Variants in ALK observed in about 807,000 individuals in gnomAD.
The protein encoded by ALK is ALK tyrosine kinase receptor.
In ALK, 74 loss-of-function variants were observed where a neutral mutation model predicts 163.1. That is an observed-to-expected ratio of 0.45 (90% CI 0.38 to 0.55). The LOEUF (loss-of-function observed/expected upper bound fraction) is 0.55. Among genes scored for constraint, ALK ranks in the 20% least tolerant of loss-of-function variants. ALK has a pLI of 0.00. For missense variants in ALK, 2,063 were observed against 2,105.3 expected (o/e 0.98, Z 0.39); for synonymous variants, 960 against 843.2 (o/e 1.14, Z -2.40).
intron 4 of ALK, among the ~76,000 whole-genome samples, chr2:29,418,815 AAAATAGAGAT>A (rs986091497): frequency 2.0e-4 from 29 of 147,132 alleles, no homozygotes; most frequent in Non-Finnish European, 3.8e-4. Context: ...GTGGTATAGG[AAAATAGAGAT>A]AAAGGCTAAG....
intron 1 of ALK, among the ~76,000 whole-genome samples, chr2:29,856,626 C>T (rs927442743): frequency 6.6e-6 from 1 of 152,252 alleles, no homozygotes; most frequent in African/African-American, 2.4e-5. Flanking sequence ...CCTACCTCCT[C>T]TTAGACCAGA....
chr2:29,415,942 G>A (rs1396045220), intron 4 of ALK, among the ~76,000 whole-genome samples: 1 of 152,102 alleles, frequency 6.6e-6, no homozygotes, highest in Non-Finnish European at 1.5e-5. Context: ...CCCTACCCCG[G>A]CTGTATTTCT....
chr2:29,682,044 G>T (rs1359782434), intron 3 of ALK, among the ~76,000 whole-genome samples: 2 of 152,168 alleles, frequency 1.3e-5, no homozygotes, highest in African/African-American at 4.8e-5. Flanking sequence ...ACAGGTGTCT[G>T]AATTTGTTTT....
At chr2:29,205,903 G>C (rs996978180) in intron 26 of ALK, among the ~76,000 whole-genome samples, 1 of 152,150 alleles carries the variant, frequency 6.6e-6, no homozygotes, top group Non-Finnish European at 1.5e-5. Context: ...GCCCCACTTG[G>C]CAGTACTGTA....
intron 1 of ALK, chr2:29,892,387 A>G (rs1572475737): frequency 6.6e-6 from 1 of 152,236 alleles, no homozygotes; most frequent in African/African-American, 2.4e-5. Context: ...GTTGGAAAGT[A>G]TCAAGAATTT....
chr2:29,215,735 C>A (rs1183633695), intron 23 of ALK, among the ~76,000 whole-genome samples: 2 of 152,120 alleles, frequency 1.3e-5, no homozygotes, highest in African/African-American at 4.8e-5. Context: ...CAATGCACAC[C>A]AAATGCAGAA....
chr2:29,828,039 C>A (rs1665250088), intron 1 of ALK, among the ~76,000 whole-genome samples: 1 of 152,182 alleles, frequency 6.6e-6, no homozygotes, highest in African/African-American at 2.4e-5. Flanking sequence ...TGATCTTTGA[C>A]AAACCTGACA....
At position 29,275,177 on chromosome 2, in the gene ALK, G is replaced by A. The variant is rs572963793; in HGVS notation, c.1963C>T (p.Leu655=). 5.0e-6 allele frequency: 8 copies of A among 1,614,152 alleles called. No homozygotes were observed. The South Asian group carries it at 8.8e-5, about 18-fold the overall frequency. ...LQNTAPKSRN[L]FERNPNKELK... is the part of the protein sequence containing the mutation. ...TCCTTGTTTGGGTTTCTCTCAAACA[G>A]GTTTCTTGATTTGGGTGCTGTATTC... The change falls in exon 11 of 29, where the codon CTG becomes TTG. Residue 655 remains leucine (L), a synonymous_variant. Transcript: ENST00000389048.
chr2:29,605,049 G>A (rs1238317559), intron 3 of ALK, among the ~76,000 whole-genome samples: 1 of 152,196 alleles, frequency 6.6e-6, no homozygotes, highest in African/African-American at 2.4e-5. Context: ...ACAGTCTAAA[G>A]AAAACCATGC....
chr2:29,564,987 T>C (rs1674138218), intron 3 of ALK, among the ~76,000 whole-genome samples: 1 of 152,188 alleles, frequency 6.6e-6, no homozygotes, highest in South Asian at 2.1e-4. Context: ...GCAAGTGACT[T>C]GAGGTAGCTT....
In ALK at chr2:29,193,607, C is replaced by T. The variant is rs199940609; in HGVS notation, c.4480G>A (p.Gly1494Arg). The T allele has an allele frequency of 7.7e-4, 1,242 of 1,614,226 alleles. 18 individuals carry two copies. In the South Asian group the frequency reaches 0.013, roughly 16 times the overall value. ...AAGCTGGTGGGCTTGTTTCTGGATC[C>T]GTGGACCTTGTGCAACTCCGAAGGA... The part of the protein sequence containing the change: ...NPPSELHKVH[G>R]SRNKPTSLWN... The change falls in exon 29 of 29, where the codon GGA (glycine) becomes AGA (arginine). Residue 1494 changes from glycine (G) to arginine (R), a missense_variant. Physicochemically the swap from Gly to Arg is moderately radical, Grantham distance 125 (BLOSUM62 -2). Coordinates refer to ENST00000389048, the MANE Select transcript of ALK (RefSeq NM_004304.5).
At chr2:29,437,831 A>T (rs1313089641) in intron 4 of ALK, among the ~76,000 whole-genome samples, 1 of 152,238 alleles carries the variant, frequency 6.6e-6, no homozygotes, top group Admixed American at 6.5e-5. Context: ...ACTATAGATT[A>T]TCTTTGGTGG....
intron 9 of ALK, among the ~76,000 whole-genome samples, chr2:29,275,864 C>T (rs1011102323): frequency 3.9e-5 from 6 of 152,036 alleles, no homozygotes; most frequent in East Asian, 1.9e-4. Context: ...GTTCAGTAAA[C>T]GGGGAGTGAT....
chr2:29,362,031 G>T (rs552140568), intron 5 of ALK, among the ~76,000 whole-genome samples: 13 of 152,262 alleles, frequency 8.5e-5, no homozygotes, highest in Non-Finnish European at 1.3e-4. Flanking sequence ...AAAGGCTTAG[G>T]GGGTCAGACA....
intron 3 of ALK, among the ~76,000 whole-genome samples, chr2:29,664,614 G>C (rs140382533): frequency 6.6e-6 from 1 of 152,012 alleles, no homozygotes; most frequent in South Asian, 2.1e-4. Context: ...ATAAAGTCTG[G>C]GTTTCTTAAT....
At chr2:29,908,700 A>G (rs550061674) in intron 1 of ALK, among the ~76,000 whole-genome samples, 1 of 152,344 alleles carries the variant, frequency 6.6e-6, no homozygotes, top group Non-Finnish European at 1.5e-5. Flanking sequence ...ATCTGCCTTT[A>G]AGGGAATGCT....
At chr2:29,744,794 C>T (rs905840698) in intron 1 of ALK, among the ~76,000 whole-genome samples, 8 of 151,958 alleles carry the variant, frequency 5.3e-5, no homozygotes, top group Non-Finnish European at 1.0e-4. Context: ...TTTTACAACA[C>T]GGTTTCAAGA....
chr2:29,229,807 G>T (rs964034734), intron 15 of ALK, among the ~76,000 whole-genome samples: 7 of 152,192 alleles, frequency 4.6e-5, no homozygotes, highest in Admixed American at 1.3e-4. Flanking sequence ...CCTGCTTAGA[G>T]GTTCTCCAGG....
intron 3 of ALK, among the ~76,000 whole-genome samples, chr2:29,625,601 T>C (rs540518251): frequency 1.3e-5 from 2 of 152,216 alleles, no homozygotes; most frequent in African/African-American, 4.8e-5. Flanking sequence ...GGGAGAAATC[T>C]GTTGTTAGGC....
Sources: allele counts gnomAD v4.1 joint callset (sites outside exome capture counted in the v4.1 genomes callset), GRCh38; gene constraint gnomAD v4.1.1; transcripts MANE v1.5; gene names NCBI Gene and HGNC (gene_info 2026-07-23, HGNC 2026-07-21).